The following GMDS variants were observed in gnomAD, a reference collection of about 807,000 sequenced individuals.
The protein encoded by GMDS is GDP-mannose 4,6-dehydratase, also known as GDP-mannose 4,6 dehydratase.
A neutral mutation model predicts 49.9 loss-of-function variants in GMDS; 20 were observed. The observed-to-expected ratio is 0.40, with a 90% CI of 0.28 to 0.58. The LOEUF (loss-of-function observed/expected upper bound fraction) is 0.58, where lower values mean the gene tolerates loss of function less well. Ranked by LOEUF, GMDS falls within the 20% of genes least tolerant of loss-of-function variation. The probability of loss-of-function intolerance (pLI) is 0.42; values close to 1 mark genes in which losing one functional copy is unlikely to be tolerated. For missense variants in GMDS, 362 were observed against 481.4 expected, an observed-to-expected ratio of 0.75 and a Z score of 2.32; for synonymous variants, 177 against 178.6, an observed-to-expected ratio of 0.99 and a Z score of 0.07.
chr6:2,097,081 G>A (rs1202090904), intron 4 of GMDS, among the ~76,000 whole-genome samples: 1 of 150,882 alleles, frequency 6.6e-6, no homozygotes, highest in Non-Finnish European at 1.5e-5. Context: ...AAAATATAAA[G>A]AAAATATATT....
At chr6:1,645,527 G>A (rs943143886) in intron 9 of GMDS, among the ~76,000 whole-genome samples, 3 of 152,204 alleles carry the variant, frequency 2.0e-5, no homozygotes, top group African/African-American at 7.2e-5. Flanking sequence ...CCCTCGCCTG[G>A]TGTTCCCTGT....
intron 8 of GMDS, among the ~76,000 whole-genome samples, chr6:1,741,933 T>G (rs1767288578): frequency 6.6e-6 from 1 of 151,800 alleles, no homozygotes; most frequent in Non-Finnish European, 1.5e-5. Context: ...CTTTCTTTTT[T>G]TTTTTTGAGA....
At chr6:2,019,634 G>A (rs1429971202) in intron 4 of GMDS, among the ~76,000 whole-genome samples, 1 of 152,030 alleles carries the variant, frequency 6.6e-6, no homozygotes, top group Non-Finnish European at 1.5e-5. Context: ...ATTTTTAGTA[G>A]AGACGGAGTT....
intron 1 of GMDS, among the ~76,000 whole-genome samples, chr6:2,211,080 CTG>C (rs1780041763): frequency 6.6e-6 from 1 of 152,146 alleles, no homozygotes; most frequent in Non-Finnish European, 1.5e-5. Context: ...CCTGTACAGC[CTG>C]CATAACTGTG....
At chr6:1,772,866 G>A (rs1275348087) in intron 7 of GMDS, among the ~76,000 whole-genome samples, 1 of 152,236 alleles carries the variant, frequency 6.6e-6, no homozygotes, top group Non-Finnish European at 1.5e-5. Context: ...TACTACCTCT[G>A]TGTTCCTGTT....
chr6:1,650,247 G>C (rs1763610705), intron 9 of GMDS, among the ~76,000 whole-genome samples: 1 of 152,016 alleles, frequency 6.6e-6, no homozygotes, highest in Non-Finnish European at 1.5e-5. Flanking sequence ...AGCAAAGACT[G>C]ACAGGATCAT....
chr6:1,822,527 T>A (rs986040003), intron 7 of GMDS, among the ~76,000 whole-genome samples: 1 of 152,136 alleles, frequency 6.6e-6, no homozygotes, highest in African/African-American at 2.4e-5. Flanking sequence ...TACATAGTCA[T>A]GAGATAGTTC....
chr6:1,866,165 C>T (rs58632404), intron 7 of GMDS, among the ~76,000 whole-genome samples: 1,841 of 152,262 alleles, frequency 0.012, 31 homozygotes, highest in African/African-American at 0.042. Context: ...ATAAACACTG[C>T]ATTTTTGAGA....
At chr6:1,710,957 T>A (rs1765936687) in intron 9 of GMDS, among the ~76,000 whole-genome samples, 1 of 152,196 alleles carries the variant, frequency 6.6e-6, no homozygotes, top group South Asian at 2.1e-4. Context: ...ACAAAATACG[T>A]ACACCTATGA....
intron 4 of GMDS, among the ~76,000 whole-genome samples, chr6:2,025,584 T>C (rs896663176): frequency 2.6e-5 from 4 of 152,134 alleles, no homozygotes; most frequent in African/African-American, 4.8e-5. Flanking sequence ...CTTAACATTA[T>C]ACAGCTATTA....
Position 2,069,489 on chromosome 6 carries a change from A to C in GMDS, c.345+46282T>G, listed in dbSNP as rs1247343083. 3.7e-4 allele frequency among the ~76,000 whole-genome samples: 57 copies of C among 152,020 alleles called. No individual in the cohort carries two copies. The Middle Eastern group carries it at 0.01, about 27-fold the overall frequency. On this transcript the variant is annotated intron_variant, in intron 4 of 10. Transcript: ENST00000380815. ...ATCAGAGTGAACAGGCAACCTACAG[A>C]ATGGGAGAAAATTTTCGCAACCTAC...
At chr6:2,140,837 G>C (rs1776247547) in intron 1 of GMDS, among the ~76,000 whole-genome samples, 1 of 152,196 alleles carries the variant, frequency 6.6e-6, no homozygotes, top group African/African-American at 2.4e-5. Flanking sequence ...CCTGGATTCA[G>C]GGTAGCTTCA....
At chr6:2,189,061 G>A (rs1778902684) in intron 1 of GMDS, among the ~76,000 whole-genome samples, 1 of 152,158 alleles carries the variant, frequency 6.6e-6, no homozygotes, top group African/African-American at 2.4e-5. Flanking sequence ...ATATGAACTG[G>A]TGGAGAACAC....
chr6:2,053,948 A>G (rs201071639), intron 4 of GMDS, among the ~76,000 whole-genome samples: 1 of 152,162 alleles, frequency 6.6e-6, no homozygotes. Context: ...AAGAGTTGTT[A>G]GCAGGTCAAA....
chr6:1,943,453 G>A lies in GMDS; in HGVS notation c.644-13223C>T, dbSNP rs551312123. Among the ~76,000 whole-genome samples, 8 of 152,320 alleles carry A rather than the reference G, an allele frequency of 5.3e-5. No homozygotes were observed. The East Asian group carries it at 1.3e-3, about 26-fold the overall frequency. ...TCTGTCTCTCTAGTGTCTCGCCAGT[G>A]TCTAACACAGTATATAACACATGAT... On this transcript the variant is annotated intron_variant, in intron 6 of 10. Transcript: ENST00000380815.
intron 7 of GMDS, among the ~76,000 whole-genome samples, chr6:1,842,794 A>C: frequency 6.6e-6 from 1 of 152,216 alleles, no homozygotes; most frequent in East Asian, 1.9e-4. Flanking sequence ...GCAATGAGGT[A>C]CAGAGGCTCA....
chr6:1,729,422 T>C (rs1047228345), intron 8 of GMDS, among the ~76,000 whole-genome samples: 7 of 152,232 alleles, frequency 4.6e-5, no homozygotes, highest in Non-Finnish European at 1.0e-4. Context: ...GGGCATGGCA[T>C]TGCCCTCTAC....
chr6:2,054,147 T>C (rs187014477), intron 4 of GMDS, among the ~76,000 whole-genome samples: 1 of 152,258 alleles, frequency 6.6e-6, no homozygotes, highest in African/African-American at 2.4e-5. Context: ...AGAAATTTCA[T>C]TAGTTCTTCA....
intron 4 of GMDS, among the ~76,000 whole-genome samples, chr6:2,110,208 T>C (rs1452336258): frequency 6.6e-6 from 1 of 151,422 alleles, no homozygotes; most frequent in Non-Finnish European, 1.5e-5. Context: ...CCCCCCATAA[T>C]GCAATTCTCC....
Sources: allele counts gnomAD v4.1 joint callset (sites outside exome capture counted in the v4.1 genomes callset), GRCh38; gene constraint gnomAD v4.1.1; transcripts MANE v1.5; gene names NCBI Gene and HGNC (gene_info 2026-07-23, HGNC 2026-07-21).